The following CTRB1 variants were observed in gnomAD, a reference collection of about 807,000 sequenced individuals.
CTRB1 encodes the protein chymotrypsinogen B.
A neutral mutation model predicts 20.4 loss-of-function variants in CTRB1; 15 were observed. That is an observed-to-expected ratio of 0.74 (90% CI 0.49 to 1.13). The LOEUF is 1.13. Ranked by LOEUF, CTRB1 falls within the 50% of genes most tolerant of loss-of-function variation. The pLI is 0.00. For synonymous variants in CTRB1, 92 were observed against 128.4 expected (o/e 0.72, Z 1.92); for missense variants, 227 against 290.1 (o/e 0.78, Z 1.58).
intron 1 of CTRB1, 152 bp downstream of exon 1, chr16:75,219,211 C>A: frequency 2.8e-6 from 2 of 715,354 alleles, no homozygotes; most frequent in South Asian, 3.9e-5. Flanking sequence ...GCTTTCTGAG[C>A]CCACACAACC....
Position 75,224,882 on chromosome 16 carries a change from C to T in CTRB1, c.*16C>T, listed in dbSNP as rs184916224. On this transcript the variant is annotated 3_prime_UTR_variant, in exon 7 of 7. Coordinates refer to ENST00000361017, the MANE Select transcript of CTRB1 (RefSeq NM_001906.6). ...TGCCAACTGAGCCCGCGGCTCCCTC[C>T]GACCCTGCTCCCCACAGAGCCTCAG... The T allele has an allele frequency of 2.9e-3, 4,615 of 1,612,938 alleles. 15 individuals are homozygous for T. The highest frequency in any genetic ancestry group is 3.1e-3 in the Non-Finnish European group (3,690 of 1,179,930).
intron 1 of CTRB1, among the ~76,000 whole-genome samples, chr16:75,222,122 C>T (rs1454655415): frequency 2.0e-5 from 3 of 148,460 alleles, no homozygotes; most frequent in East Asian, 2.0e-4. Flanking sequence ...GATGACACCA[C>T]GGCACTCCAG....
chr16:75,222,296 C>G (rs2039098328), intron 1 of CTRB1, among the ~76,000 whole-genome samples: 1 of 152,140 alleles, frequency 6.6e-6, no homozygotes, highest in South Asian at 2.1e-4. Flanking sequence ...TCCTGGTGGA[C>G]TTGGGGTTAT....
intron 1 of CTRB1, among the ~76,000 whole-genome samples, chr16:75,221,019 G>T (rs552361545): frequency 3.9e-5 from 6 of 152,130 alleles, no homozygotes; most frequent in African/African-American, 1.4e-4. Flanking sequence ...GCCTTCCAAC[G>T]TGCTCTTTCT....
chr16:75,219,406 T>G lies in CTRB1; in HGVS notation c.52+347T>G, dbSNP rs114103184. Among the ~76,000 whole-genome samples, 1,466 of 152,110 alleles carry G rather than the reference T, an allele frequency of 9.6e-3. 24 individuals carry two copies. Among genetic ancestry groups the G allele is most frequent in the African/African-American group, 0.033 (1,381 of 41,518 alleles). On this transcript the variant is annotated intron_variant, in intron 1 of 6. Coordinates refer to ENST00000361017, the MANE Select transcript of CTRB1 (RefSeq NM_001906.6). The stretch of plus-strand genomic sequence containing the variant: ...TTCTTCCTTTCTTTCTTTTTTTTTT[T>G]TCGAGACAGAATTTCACTCCTATTG...
At chr16:75,219,333 C>T (rs976958875) in intron 1 of CTRB1, among the ~76,000 whole-genome samples, 1 of 151,626 alleles carries the variant, frequency 6.6e-6, no homozygotes, top group Non-Finnish European at 1.5e-5. Context: ...GGAGACCTCC[C>T]AAGGCCTCCA....
In CTRB1 at chr16:75,222,727, G is replaced by A. The variant is rs572732305; in HGVS notation, c.53-41G>A. ...CACGCAGGCAGGTGAGGCCCAGGTG[G>A]GTTTGGGGCCTCAGCCCTTATTCAC... On this transcript the variant is annotated intron_variant, in intron 1 of 6. Coordinates refer to ENST00000361017, the MANE Select transcript of CTRB1 (RefSeq NM_001906.6). 93 of 1,535,964 alleles carry A rather than the reference G, an allele frequency of 6.1e-5. 1 individual carries two copies. The South Asian group carries it at 1.0e-3, about 17-fold the overall frequency.
intron 6 of CTRB1, 102 bp downstream of exon 6, chr16:75,224,290 C>T (rs2076716524): frequency 1.3e-6 from 2 of 1,545,352 alleles, no homozygotes; most frequent in East Asian, 2.4e-5. Flanking sequence ...CCACTCCTTC[C>T]TGGGTGTCAG....
intron 6 of CTRB1, 133 bp from the exon 7 acceptor site, chr16:75,224,572 C>G (rs1249598448): frequency 2.7e-6 from 3 of 1,098,340 alleles, no homozygotes; most frequent in Non-Finnish European, 3.9e-6. Flanking sequence ...CTTTCATAAC[C>G]CACGCAACAG....
At chr16:75,224,637 G>A (rs930089766) in intron 6 of CTRB1, 68 bp from the exon 7 acceptor site, 1 of 1,517,488 alleles carries the variant, frequency 6.6e-7, no homozygotes, top group Non-Finnish European at 8.9e-7. Context: ...TGGGAACAAT[G>A]TCCAGTGGCC....
At chr16:75,222,374 G>T (rs185554075) in intron 1 of CTRB1, among the ~76,000 whole-genome samples, 13 of 152,230 alleles carry the variant, frequency 8.5e-5, no homozygotes, top group Non-Finnish European at 8.8e-5. Context: ...TGGAGCTCAC[G>T]TGGTTCTGCT....
intron 6 of CTRB1, 135 bp downstream of exon 6, chr16:75,224,323 A>G: frequency 6.7e-7 from 1 of 1,495,946 alleles, no homozygotes; most frequent in East Asian, 2.5e-5. Context: ...GCAAAATTCC[A>G]TGGCCAATGT....
chr16:75,222,632 G>A (rs1228654747), intron 1 of CTRB1, 136 bp from the exon 2 acceptor site: 3 of 895,088 alleles, frequency 3.4e-6, no homozygotes, highest in Non-Finnish European at 5.0e-6. Context: ...GGACCAGGGA[G>A]GCGGAGGCGG....
At chr16:75,220,358 A>C (rs2151374475) in intron 1 of CTRB1, among the ~76,000 whole-genome samples, 1 of 152,044 alleles carries the variant, frequency 6.6e-6, no homozygotes, top group Admixed American at 6.6e-5. Context: ...TAATTTTTGT[A>C]TTTTTAATAG....
chr16:75,221,163 C>T (rs556915813), intron 1 of CTRB1, among the ~76,000 whole-genome samples: 61 of 96,290 alleles, frequency 6.3e-4, no homozygotes, highest in African/African-American at 2.2e-3. Context: ...CAGAAGGGGA[C>T]AGCTGGTCTG....
chr16:75,224,535 A>G (rs1315090707), intron 6 of CTRB1, among the ~76,000 whole-genome samples, 170 bp from the exon 7 acceptor site: 1 of 152,250 alleles, frequency 6.6e-6, no homozygotes, highest in Non-Finnish European at 1.5e-5. Context: ...TTCCAGGGGC[A>G]TGAACCACAT....
chr16:75,222,243 T>G (rs539051210), intron 1 of CTRB1, among the ~76,000 whole-genome samples: 48 of 151,960 alleles, frequency 3.2e-4, no homozygotes, highest in South Asian at 1.3e-3. Flanking sequence ...GGGTCCACGG[T>G]GCCATTTCAC....
rs370211535 is a variant in CTRB1, at chr16:75,219,101, G to A, written c.52+42G>A. 7.1e-6 allele frequency: 11 copies of A among 1,552,692 alleles called. No individual in the cohort carries two copies. The South Asian group carries it at 1.3e-4, about 18-fold the overall frequency. ...GAGGGGTCTGTCCTGAGGGAGCCCT[G>A]AGCCTGGCTGAGAGGGGGATCTGAG... On this transcript the variant is annotated intron_variant, in intron 1 of 6. Coordinates refer to ENST00000361017, the MANE Select transcript of CTRB1 (RefSeq NM_001906.6).
intron 1 of CTRB1, among the ~76,000 whole-genome samples, chr16:75,220,855 T>A (rs1597129154): frequency 1.3e-5 from 2 of 151,806 alleles, no homozygotes; most frequent in African/African-American, 4.8e-5. Flanking sequence ...ACCTCCCAGG[T>A]TCAAGCATTT....
Sources: allele counts gnomAD v4.1 joint callset (sites outside exome capture counted in the v4.1 genomes callset), GRCh38; gene constraint gnomAD v4.1.1; transcripts MANE v1.5; gene names NCBI Gene and HGNC (gene_info 2026-07-23, HGNC 2026-07-21).